Variants in ZNF30 observed in about 807,000 individuals in gnomAD.
ZNF30 encodes the protein zinc finger protein 30 (KOX 28).
A neutral mutation model predicts 13.2 loss-of-function variants in ZNF30; 15 were observed. The ratio of observed to expected loss-of-function variants is 1.13; its 90% confidence interval spans 0.76 to 1.75. ZNF30 has a LOEUF of 1.75. Ranked by LOEUF, ZNF30 falls within the 40% of genes most tolerant of loss-of-function variation. ZNF30 has a pLI of 0.00. For synonymous variants in ZNF30, 223 were observed against 256.6 expected (o/e 0.87, Z 1.25); for missense variants, 726 against 757.0 (o/e 0.96, Z 0.48).
chr19:34,944,176 G>A lies in ZNF30; in HGVS notation c.1210G>A (p.Glu404Lys). Residue 404 changes from glutamate to lysine, a missense_variant, in exon 5 of 5, where the codon GAG (glutamate) becomes AAG (lysine). Transcript: ENST00000601142. ...TGGCGAGAAGCCCTATGAATGTAAGGAGTGTGGCAAGGCCTTTAGTACTGG... is the reference window on the plus strand; with the variant it reads ...TGGCGAGAAGCCCTATGAATGTAAGAAGTGTGGCAAGGCCTTTAGTACTGG... Reference protein sequence around the residue: ...HTGEKPYECKECGKAFSTGSY... With the variant: ...HTGEKPYECKKCGKAFSTGSY... The A allele has an allele frequency of 1.2e-6, 2 of 1,613,072 alleles. No individual in the cohort carries two copies. The highest frequency in any genetic ancestry group is 1.7e-6 in the Non-Finnish European group (2 of 1,179,168).
At chr19:34,926,901 G>A, upstream of ZNF30, 1 of 398,108 alleles carries the variant, frequency 2.5e-6, no homozygotes, top group Non-Finnish European at 4.4e-6. Context: ...CCGGTGGGCG[G>A]CCTTGTGGAC....
At chr19:34,934,998 G>C (rs572306120) in intron 4 of ZNF30, among the ~76,000 whole-genome samples, 1 of 152,292 alleles carries the variant, frequency 6.6e-6, no homozygotes, top group Admixed American at 6.5e-5. Context: ...GGGAGGCTGA[G>C]GTGGGTGGAT....
intron 4 of ZNF30, among the ~76,000 whole-genome samples, chr19:34,941,169 C>T (rs775951719): frequency 4.6e-5 from 7 of 152,164 alleles, no homozygotes; most frequent in Non-Finnish European, 4.4e-5. Flanking sequence ...TAATATGGTT[C>T]TCCCCATTTT....
intron 4 of ZNF30, among the ~76,000 whole-genome samples, chr19:34,941,286 A>G (rs1348976226): frequency 6.6e-6 from 1 of 152,154 alleles, no homozygotes; most frequent in Non-Finnish European, 1.5e-5. Flanking sequence ...TTGTTTTGAG[A>G]TGGAGTCTCA....
rs903355037 is a variant in ZNF30, at chr19:34,942,720, G to A, written c.257-503G>A. On this transcript the variant is annotated intron_variant, in intron 4 of 4. Coordinates refer to ENST00000601142, the MANE Select transcript of ZNF30 (RefSeq NM_194325.3). ...TCAAGGTGCTAAAAGGGGGAAATTA[G>A]GTCAGTATGGGACAGAGGGAGTTGT... 7.4e-5 allele frequency: 67 copies of A among 899,348 alleles called. No individual in the cohort carries two copies. In the African/African-American group the frequency reaches 9.4e-4, roughly 13 times the overall value. 55.7% of individuals were successfully genotyped at this position (899,348 alleles called of 1,614,324 possible).
chr19:34,926,758 C>CT (rs1180680293), upstream of ZNF30: 1 of 395,040 alleles, frequency 2.5e-6, no homozygotes, highest in Non-Finnish European at 4.5e-6. Flanking sequence ...GGTTGGCCCT[C>CT]TAAGAAGCTG....
At position 34,943,333 on chromosome 19, in the gene ZNF30, C is replaced by A. The variant is rs776026743; in HGVS notation, c.367C>A (p.Gln123Lys). Reference protein sequence around the residue: ...KISRQKPRECQEYGKTLCQDS... With the variant: ...KISRQKPRECKEYGKTLCQDS... ...AAGTAGACAGAAACCACGTGAATGTCAGGAATATGGAAAGACCCTTTGTCA... is the reference window on the plus strand; with the variant it reads ...AAGTAGACAGAAACCACGTGAATGTAAGGAATATGGAAAGACCCTTTGTCA... The change falls in exon 5 of 5, where the codon CAG becomes AAG. Residue 123 changes from glutamine to lysine, a missense_variant. Coordinates refer to ENST00000601142, the MANE Select transcript of ZNF30 (RefSeq NM_194325.3). 4.3e-6 allele frequency: 7 copies of A among 1,613,836 alleles called. No homozygotes were observed. The highest frequency in any genetic ancestry group is 5.9e-6 in the Non-Finnish European group (7 of 1,179,872).
Position 34,944,424 on chromosome 19 carries a change from T to G in ZNF30, c.1458T>G (p.Cys486Trp), listed in dbSNP as rs758003961. The G allele has an allele frequency of 2.5e-6, 4 of 1,614,118 alleles. No individual in the cohort carries two copies. Among genetic ancestry groups the G allele is most frequent in the South Asian group, 2.2e-5 (2 of 91,080 alleles). ...ATACTGATGTAAAGCCCTATGAATG[T>G]AAGGAATGTGGAAAGACTTTTAGTC... ...KIHTDVKPYECKECGKTFSRA... is the reference protein window; with the variant it reads ...KIHTDVKPYEWKECGKTFSRA... Residue 486 changes from cysteine to tryptophan, a missense_variant, in exon 5 of 5, where the codon TGT becomes TGG. Cys to Trp is a radical substitution (Grantham distance 215). Transcript: ENST00000601142.
chr19:34,934,197 C>T (rs577272387), intron 4 of ZNF30, among the ~76,000 whole-genome samples: 1 of 151,988 alleles, frequency 6.6e-6, no homozygotes, highest in Non-Finnish European at 1.5e-5. Flanking sequence ...TAAGTAGGCT[C>T]AGGCAGAATT....
intron 4 of ZNF30, among the ~76,000 whole-genome samples, chr19:34,939,475 G>A (rs2012927938): frequency 6.6e-6 from 1 of 150,596 alleles, no homozygotes; most frequent in Non-Finnish European, 1.5e-5. Context: ...ACCGTGCCCG[G>A]CCTAACTTCT....
intron 3 of ZNF30, among the ~76,000 whole-genome samples, chr19:34,933,030 C>T (rs533838238): frequency 2.6e-5 from 4 of 152,080 alleles, no homozygotes; most frequent in Non-Finnish European, 4.4e-5. Context: ...ATCTGCCCAC[C>T]TGGCCTCCAA....
intron 3 of ZNF30, among the ~76,000 whole-genome samples, chr19:34,933,382 A>G (rs10406154): frequency 0.43 from 65,447 of 151,736 alleles, 15,661 homozygotes; most frequent in African/African-American, 0.65. Context: ...GAACCCGGGA[A>G]GCGGAGGTTG....
In ZNF30 at chr19:34,944,225, G is replaced by A. The variant is rs1202347792; in HGVS notation, c.1259G>A (p.Arg420Lys). The A allele has an allele frequency of 1.9e-5, 30 of 1,613,810 alleles. No individual in the cohort carries two copies. The highest frequency in any genetic ancestry group is 2.5e-5 in the Non-Finnish European group (30 of 1,179,988). Residue 420 changes from arginine (R) to lysine (K), a missense_variant, in exon 5 of 5, where the codon AGG becomes AAG. Physicochemically the swap from Arg to Lys is conservative, Grantham distance 26 (BLOSUM62 2). Transcript: ENST00000601142. ...STGSYLVQHQRIHTGEKPYEC... is the reference protein window; with the variant it reads ...STGSYLVQHQKIHTGEKPYEC... ...GGCTCATACCTTGTTCAGCATCAGAGGATCCATACTGGGGAGAAACCCTAT... is the reference window on the plus strand; with the variant it reads ...GGCTCATACCTTGTTCAGCATCAGAAGATCCATACTGGGGAGAAACCCTAT...
At chr19:34,928,220 A>AAAAATATATATATAT (rs1555778254) in intron 1 of ZNF30, among the ~76,000 whole-genome samples, 16 of 73,404 alleles carry the variant, frequency 2.2e-4, no homozygotes, top group African/African-American at 8.1e-4. Flanking sequence ...AAAAAAAAAA[A>AAAAATATATATATAT]ATATATATAT....
Position 34,943,767 on chromosome 19 carries a change from G to A in ZNF30, c.801G>A (p.Lys267=). The change falls in exon 5 of 5, where the codon AAG becomes AAA. Residue 267 remains lysine, a synonymous_variant. Coordinates refer to ENST00000601142, the MANE Select transcript of ZNF30 (RefSeq NM_194325.3). ...CCTTTGGGTGTGAGGAGTGTGGGAA[G>A]GCCTTCAGTACCTTTTCATACCTGG... ...EKPFGCEECG[K]AFSTFSYLVQ... 1 of 1,613,942 alleles carries A rather than the reference G, an allele frequency of 6.2e-7. No individual in the cohort carries two copies. Among genetic ancestry groups the A allele is most frequent in the Non-Finnish European group, 8.5e-7 (1 of 1,179,900 alleles).
chr19:34,931,738 T>C (rs2012462870), intron 2 of ZNF30, 105 bp from the exon 3 acceptor site: 1 of 1,207,622 alleles, frequency 8.3e-7, no homozygotes, highest in Non-Finnish European at 1.1e-6. Context: ...TGCCACATCA[T>C]AAGCTTCCAG....
chr19:34,931,891 G>A lies in ZNF30; in HGVS notation c.58G>A (p.Ala20Thr), dbSNP rs1202909624. ...YHGSVTFEDVAIAFSQQEWES... is the reference protein window; with the variant it reads ...YHGSVTFEDVTIAFSQQEWES... ...CGGATCAGTGACATTTGAGGATGTG[G>A]CCATAGCCTTCTCCCAGCAGGAGTG... Residue 20 changes from alanine (A) to threonine (T), a missense_variant, in exon 3 of 5, where the codon GCC becomes ACC. Ala to Thr is a moderately conservative substitution (Grantham distance 58). Coordinates refer to ENST00000601142, the MANE Select transcript of ZNF30 (RefSeq NM_194325.3). The A allele has an allele frequency of 6.2e-7, 1 of 1,613,400 alleles. No homozygotes were observed. The highest frequency in any genetic ancestry group is 2.2e-5 in the East Asian group (1 of 44,874).
rs751217470 is a variant in ZNF30, at chr19:34,944,583, C to G, written c.1617C>G (p.Pro539=). The change falls in exon 5 of 5, where the codon CCC becomes CCG. Residue 539 remains proline, a synonymous_variant. Coordinates refer to ENST00000601142, the MANE Select transcript of ZNF30 (RefSeq NM_194325.3). ...AAAGAATTCATACTGGGGAGAAACCCTATGAATGTAACAAATGTGGGAAAG... is the reference window on the plus strand; with the variant it reads ...AAAGAATTCATACTGGGGAGAAACCGTATGAATGTAACAAATGTGGGAAAG... ...QHQRIHTGEK[P]YECNKCGKAF... is the part of the protein sequence containing the mutation. The G allele has an allele frequency of 2.5e-6, 4 of 1,614,110 alleles. No individual in the cohort carries two copies. The highest frequency in any genetic ancestry group is 2.7e-5 in the African/African-American group (2 of 75,056).
chr19:34,937,241 G>A (rs181063043), intron 4 of ZNF30, among the ~76,000 whole-genome samples: 2 of 152,104 alleles, frequency 1.3e-5, no homozygotes, highest in East Asian at 3.9e-4. Flanking sequence ...TCGAACTCCT[G>A]ACCTTGGGTG....
Sources: allele counts gnomAD v4.1 joint callset (sites outside exome capture counted in the v4.1 genomes callset), GRCh38; gene constraint gnomAD v4.1.1; transcripts MANE v1.5; gene names NCBI Gene and HGNC (gene_info 2026-07-23, HGNC 2026-07-21).